The following SLC1A1 variants were observed in gnomAD, a reference collection of about 807,000 sequenced individuals.
The protein encoded by SLC1A1 is solute carrier family 1 member 1, also known as excitatory amino acid transporter 3.
In SLC1A1, 43 loss-of-function variants were observed where a neutral mutation model predicts 53.3. The observed-to-expected ratio is 0.81, with a 90% CI of 0.63 to 1.04. SLC1A1 has a LOEUF of 1.04. Among genes scored for constraint, SLC1A1 ranks in the 50% least tolerant of loss-of-function variants. SLC1A1 has a pLI of 0.00. For synonymous variants in SLC1A1, 307 were observed against 243.2 expected (o/e 1.26, Z -2.44); for missense variants, 748 against 664.9 (o/e 1.12, Z -1.37).
At chr9:4,506,936 A>G (rs1820828111) in intron 1 of SLC1A1, among the ~76,000 whole-genome samples, 1 of 152,216 alleles carries the variant, frequency 6.6e-6, no homozygotes, top group South Asian at 2.1e-4. Context: ...ATATAATAAA[A>G]GGTTCCAAGA....
chr9:4,571,325 C>CT (rs1156295366), intron 6 of SLC1A1, among the ~76,000 whole-genome samples: 5 of 46,842 alleles, frequency 1.1e-4, no homozygotes, highest in Non-Finnish European at 1.8e-4. Context: ...ATACAACAAA[C>CT]CCCATGACAC....
intron 2 of SLC1A1, among the ~76,000 whole-genome samples, chr9:4,552,043 T>C (rs906787019): frequency 1.3e-5 from 2 of 152,228 alleles, no homozygotes; most frequent in African/African-American, 4.8e-5. Context: ...GAATCAACCA[T>C]GCATGAGCCT....
At position 4,569,549 on chromosome 9, in the gene SLC1A1, G is replaced by A. The variant is rs569774484; in HGVS notation, c.582+1782G>A. ...GCATTGGTACCTCTGTAAGCCTGTAGCAGATTTCTCCCGAATGTTCTCTCA... is the reference window on the plus strand; with the variant it reads ...GCATTGGTACCTCTGTAAGCCTGTAACAGATTTCTCCCGAATGTTCTCTCA... On this transcript the variant is annotated intron_variant, in intron 6 of 11. Coordinates refer to ENST00000262352, the MANE Select transcript of SLC1A1 (RefSeq NM_004170.6). Among the ~76,000 whole-genome samples, 4 of 152,316 alleles carry A rather than the reference G, an allele frequency of 2.6e-5. 1 individual carries two copies. In the South Asian group the frequency reaches 6.2e-4, roughly 24 times the overall value.
At position 4,490,777 on chromosome 9, in the gene SLC1A1, G is replaced by T. The variant is rs372447574; in HGVS notation, c.91+7G>T. On this transcript the variant is annotated splice_region_variant and intron_variant, in intron 1 of 11. Coordinates refer to ENST00000262352, the MANE Select transcript of SLC1A1 (RefSeq NM_004170.6). ...GTGGCCGCGGTGGTGCTAGGTGAGCGGCGCGGCGGGTGGGCGATGCGCGCA... is the reference window on the plus strand; with the variant it reads ...GTGGCCGCGGTGGTGCTAGGTGAGCTGCGCGGCGGGTGGGCGATGCGCGCA... 1 of 1,609,422 alleles carries T rather than the reference G, an allele frequency of 6.2e-7. No homozygotes were observed. Among genetic ancestry groups the T allele is most frequent in the Non-Finnish European group, 8.5e-7 (1 of 1,176,690 alleles).
chr9:4,536,576 C>A (rs1816681798), intron 1 of SLC1A1, among the ~76,000 whole-genome samples: 2 of 152,168 alleles, frequency 1.3e-5, no homozygotes, highest in African/African-American at 4.8e-5. Flanking sequence ...GAAACAGGAA[C>A]ACTTTTACAC....
chr9:4,533,361 G>A (rs1296015131), intron 1 of SLC1A1, among the ~76,000 whole-genome samples: 1 of 152,140 alleles, frequency 6.6e-6, no homozygotes, highest in Non-Finnish European at 1.5e-5. Context: ...ATAAAGGGAT[G>A]GAGGAAGATC....
intron 1 of SLC1A1, among the ~76,000 whole-genome samples, chr9:4,526,250 A>G (rs1321509388): frequency 1.3e-5 from 2 of 152,236 alleles, no homozygotes; most frequent in Non-Finnish European, 2.9e-5. Context: ...ATTAGATAAG[A>G]GCAGAATTTA....
At chr9:4,511,401 G>A (rs544823653) in intron 1 of SLC1A1, among the ~76,000 whole-genome samples, 3 of 152,164 alleles carry the variant, frequency 2.0e-5, no homozygotes, top group Admixed American at 6.5e-5. Flanking sequence ...ATTCAGGAGG[G>A]CTCTCCCCTC....
intron 1 of SLC1A1, among the ~76,000 whole-genome samples, chr9:4,495,200 C>A (rs943259625): frequency 6.6e-6 from 1 of 152,088 alleles, no homozygotes; most frequent in Non-Finnish European, 1.5e-5. Context: ...CAGGGCCCAG[C>A]GGCGGTTCAC....
At chr9:4,499,649 C>T (rs577267560) in intron 1 of SLC1A1, among the ~76,000 whole-genome samples, 1 of 152,350 alleles carries the variant, frequency 6.6e-6, no homozygotes, top group Admixed American at 6.5e-5. Flanking sequence ...ACATATTAGA[C>T]TCTGCACATG....
At chr9:4,539,666 G>C (rs140921258) in intron 1 of SLC1A1, among the ~76,000 whole-genome samples, 372 of 152,194 alleles carry the variant, frequency 2.4e-3, no homozygotes, top group Middle Eastern at 0.014. Flanking sequence ...CTGCCTCCCA[G>C]GTTCAAGCGA....
chr9:4,496,354 A>G (rs531104234), intron 1 of SLC1A1, among the ~76,000 whole-genome samples: 11 of 152,106 alleles, frequency 7.2e-5, no homozygotes, highest in African/African-American at 2.4e-4. Context: ...ATTCAGAGAA[A>G]GTGGAAGTCA....
At chr9:4,511,810 T>C (rs1821010463) in intron 1 of SLC1A1, among the ~76,000 whole-genome samples, 1 of 152,204 alleles carries the variant, frequency 6.6e-6, no homozygotes, top group South Asian at 2.1e-4. Flanking sequence ...CATGATTTTC[T>C]ACACAGGAAA....
chr9:4,583,679 C>A lies in SLC1A1; in HGVS notation c.1328+507C>A, dbSNP rs2129880806. 6.6e-6 allele frequency among the ~76,000 whole-genome samples: 1 copy of A among 152,248 alleles called. No homozygotes were observed. Among genetic ancestry groups the A allele is most frequent in the East Asian group, 1.9e-4 (1 of 5,180 alleles). ...TTAACCTGAGGCCCAGTTGCATAAT[C>A]TGTGAGATGGGAAAAAATCTGCCTA... On this transcript the variant is annotated intron_variant, in intron 11 of 11. Coordinates refer to ENST00000262352, the MANE Select transcript of SLC1A1 (RefSeq NM_004170.6). This position sits in a 1 kb window ranked among gnomAD's most constrained non-coding sequence, Gnocchi z 4.6.
chr9:4,571,004 G>A (rs1819983009), intron 6 of SLC1A1, among the ~76,000 whole-genome samples: 1 of 152,024 alleles, frequency 6.6e-6, no homozygotes, highest in African/African-American at 2.4e-5. Context: ...TGATAGACTG[G>A]ATAAAGAAAA....
At chr9:4,501,927 T>C (rs1820644844) in intron 1 of SLC1A1, among the ~76,000 whole-genome samples, 1 of 151,756 alleles carries the variant, frequency 6.6e-6, no homozygotes, top group African/African-American at 2.4e-5. Context: ...AGTAAGGAAT[T>C]AAGTCAACAT....
chr9:4,497,030 T>C (rs1432805548), intron 1 of SLC1A1, among the ~76,000 whole-genome samples: 1 of 152,130 alleles, frequency 6.6e-6, no homozygotes, highest in African/African-American at 2.4e-5. Context: ...AACGGGACTT[T>C]ATACTCCTGA....
intron 1 of SLC1A1, among the ~76,000 whole-genome samples, chr9:4,519,474 T>C (rs548172744): frequency 6.6e-5 from 10 of 152,366 alleles, no homozygotes; most frequent in Admixed American, 5.9e-4. Context: ...GCTCCTCTTT[T>C]CATTATCTGA....
In SLC1A1 at chr9:4,566,010, T is replaced by A. The variant is rs201099557; in HGVS notation, c.441-37T>A. ...TTAGGTATGACAAAACAATACTTTT[T>A]GCCCTAACATAATACTGCCTTTTAT... On this transcript the variant is annotated intron_variant, in intron 4 of 11. Transcript: ENST00000262352. 1.1e-5 allele frequency: 16 copies of A among 1,512,716 alleles called. No homozygotes were observed. The African/African-American group carries it at 1.1e-4, about 10-fold the overall frequency. 93.7% of individuals were successfully genotyped at this position (1,512,716 alleles called of 1,614,324 possible).
Sources: gnomAD v4.1 joint callset for allele counts (sites outside exome capture counted in the v4.1 genomes callset) on GRCh38, gnomAD v4.1.1 for gene constraint, Gnocchi (gnomAD v3.1) non-coding constraint, MANE v1.5 for transcripts, NCBI Gene and HGNC (gene_info 2026-07-23, HGNC 2026-07-21) for gene names.